VWA3B: variants seen among roughly 807,000 people sequenced by gnomAD.
VWA3B encodes von Willebrand factor A domain containing 3B.
VWA3B carries 138 observed loss-of-function variants against 158.3 expected under a neutral mutation model. The observed-to-expected ratio is 0.87, with a 90% CI of 0.76 to 1.00. VWA3B has a LOEUF of 1.00. Ranked by LOEUF, VWA3B falls within the 50% of genes least tolerant of loss-of-function variation. The pLI, the probability that VWA3B is intolerant of heterozygous loss-of-function variation, is 0.00. For synonymous variants in VWA3B, 596 were observed against 587.3 expected (o/e 1.01, Z -0.21); for missense variants, 1,555 against 1,565.1 (o/e 0.99, Z 0.11).
At chr2:98,320,787 T>A in the VWA3B span, among the ~76,000 whole-genome samples, 2 of 151,972 alleles carry the variant, frequency 1.3e-5, no homozygotes, top group Non-Finnish European at 2.9e-5. Flanking sequence ...GTTCGGAAAA[T>A]TTGCAGCCCA....
At chr2:98,118,577 A>C (rs1674706834) in intron 3 of VWA3B, among the ~76,000 whole-genome samples, 1 of 152,158 alleles carries the variant, frequency 6.6e-6, no homozygotes, top group Non-Finnish European at 1.5e-5. Flanking sequence ...CTAATTAGGC[A>C]AAAACAGGAG....
intron 22 of VWA3B, among the ~76,000 whole-genome samples, chr2:98,280,939 G>T (rs1265631255): frequency 6.6e-6 from 1 of 152,190 alleles, no homozygotes; most frequent in Admixed American, 6.5e-5. Flanking sequence ...CAGGGCTCAT[G>T]CAGGAAATTC....
chr2:98,105,624 A>T (rs528385967), intron 2 of VWA3B, among the ~76,000 whole-genome samples: 36 of 152,144 alleles, frequency 2.4e-4, no homozygotes, highest in African/African-American at 8.2e-4. Flanking sequence ...GCACTTTGGG[A>T]GGCTGAGGTG....
intron 7 of VWA3B, among the ~76,000 whole-genome samples, chr2:98,156,625 G>C (rs555042041): frequency 6.7e-6 from 1 of 150,282 alleles, no homozygotes; most frequent in South Asian, 2.1e-4. Flanking sequence ...ACAGAAAGAG[G>C]TTCAGGCCTT....
intron 8 of VWA3B, among the ~76,000 whole-genome samples, chr2:98,179,654 T>C (rs1680311625): frequency 6.6e-6 from 1 of 152,146 alleles, no homozygotes; most frequent in African/African-American, 2.4e-5. Flanking sequence ...TTCCTTTCTT[T>C]CTCTTTTTTC....
intron 7 of VWA3B, among the ~76,000 whole-genome samples, chr2:98,135,696 G>A (rs1302582098): frequency 6.6e-6 from 1 of 152,142 alleles, no homozygotes; most frequent in African/African-American, 2.4e-5. Context: ...CCATTTCAGT[G>A]ATCACATCTG....
chr2:98,230,423 C>A (rs1222167897), intron 16 of VWA3B, among the ~76,000 whole-genome samples: 2 of 152,104 alleles, frequency 1.3e-5, no homozygotes, highest in Non-Finnish European at 2.9e-5. Context: ...AAATAATAGT[C>A]CAATATTAAA....
intron 3 of VWA3B, 25 bp downstream of exon 3, chr2:98,115,771 C>T: frequency 6.4e-7 from 1 of 1,572,872 alleles, no homozygotes; most frequent in Non-Finnish European, 8.7e-7. Context: ...CCTCAATGCG[C>T]AGTCCTGTGA....
chr2:98,328,995 C>G, the VWA3B span, among the ~76,000 whole-genome samples: 1 of 152,034 alleles, frequency 6.6e-6, no homozygotes, highest in African/African-American at 2.4e-5. Context: ...CCATATAGAT[C>G]AACTGAATGA....
chr2:98,229,273 C>T (rs910240545), intron 15 of VWA3B, among the ~76,000 whole-genome samples: 4 of 152,208 alleles, frequency 2.6e-5, no homozygotes, highest in Non-Finnish European at 4.4e-5. Flanking sequence ...GTAAGAGAAT[C>T]GGGGTGCACA....
chr2:98,201,545 A>G (rs941830692), intron 12 of VWA3B, among the ~76,000 whole-genome samples: 1 of 152,196 alleles, frequency 6.6e-6, no homozygotes, highest in African/African-American at 2.4e-5. Flanking sequence ...GAGAGAGAAC[A>G]TACTTGCCTT....
At chr2:98,094,705 G>A (rs1018812379) in intron 2 of VWA3B, among the ~76,000 whole-genome samples, 1 of 151,956 alleles carries the variant, frequency 6.6e-6, no homozygotes, top group African/African-American at 2.4e-5. Context: ...CACCCAGATC[G>A]ATGTCATAGA....
intron 8 of VWA3B, among the ~76,000 whole-genome samples, chr2:98,175,321 A>G (rs1478458373): frequency 6.6e-6 from 1 of 152,236 alleles, no homozygotes; most frequent in Non-Finnish European, 1.5e-5. Flanking sequence ...CATAGGAAGT[A>G]TAAGAACACT....
Position 98,248,875 on chromosome 2 carries a change from CTTTCTTTCTCTCT to C in VWA3B, c.2674-1440_2674-1428del, listed in dbSNP as rs1686602069. 1.5e-4 allele frequency among the ~76,000 whole-genome samples: 7 copies of C among 46,270 alleles called. No individual in the cohort carries two copies. In the South Asian group the frequency reaches 3.6e-3, roughly 24 times the overall value. 30.4% of individuals were successfully genotyped at this position (46,270 alleles called of 152,430 possible). On this transcript the variant is annotated intron_variant, in intron 19 of 27. Coordinates refer to ENST00000477737, the MANE Select transcript of VWA3B (RefSeq NM_144992.5). Reference sequence around the variant, plus strand: ...TCTTTCTTTCTTTCTTTCTTTCTTTCTTTCTTTCTCTCTTTCCTTTCTTTCTTCTTTCTTTCTC... The same window carrying C: ...TCTTTCTTTCTTTCTTTCTTTCTTTCTTCCTTTCTTTCTTCTTTCTTTCTC...
intron 2 of VWA3B, among the ~76,000 whole-genome samples, chr2:98,097,291 C>T (rs191020941): frequency 6.6e-6 from 1 of 152,020 alleles, no homozygotes; most frequent in African/African-American, 2.4e-5. Flanking sequence ...ATTGTACCAC[C>T]CTCTTTGTAT....
chr2:98,282,432 C>CTTT (rs759230723), intron 22 of VWA3B, among the ~76,000 whole-genome samples: 55 of 124,874 alleles, frequency 4.4e-4, no homozygotes, highest in African/African-American at 8.0e-4. Context: ...ACATGAATTA[C>CTTT]TTTTTTTTTT....
At chr2:98,285,764 T>G (rs1293100414) in intron 22 of VWA3B, among the ~76,000 whole-genome samples, 1 of 151,866 alleles carries the variant, frequency 6.6e-6, no homozygotes, top group Middle Eastern at 3.4e-3. Context: ...TAGATTCAAC[T>G]TCTCAATTTC....
intron 22 of VWA3B, among the ~76,000 whole-genome samples, chr2:98,275,880 TAAG>T (rs1258466158): frequency 1.3e-5 from 2 of 152,178 alleles, no homozygotes; most frequent in Non-Finnish European, 2.9e-5. Flanking sequence ...GAAGTTAGTA[TAAG>T]AAGTGAAGAC....
At chr2:98,118,844 C>A (rs1016899814) in intron 3 of VWA3B, among the ~76,000 whole-genome samples, 12 of 152,212 alleles carry the variant, frequency 7.9e-5, no homozygotes, top group Non-Finnish European at 1.8e-4. Context: ...TGCCTCTCTA[C>A]CTCTTGAAAG....
Sources: gnomAD v4.1 joint callset for allele counts (sites outside exome capture counted in the v4.1 genomes callset) on GRCh38, gnomAD v4.1.1 for gene constraint, MANE v1.5 for transcripts, NCBI Gene and HGNC (gene_info 2026-07-23, HGNC 2026-07-21) for gene names.